The following MAML2 variants were observed in gnomAD, a reference collection of about 807,000 sequenced individuals.
MAML2 encodes the protein mastermind like transcriptional coactivator 2.
A neutral mutation model predicts 96.1 loss-of-function variants in MAML2; 22 were observed. The ratio of observed to expected loss-of-function variants is 0.23; its 90% CI spans 0.16 to 0.33. MAML2 has a LOEUF of 0.33. MAML2 is among the 10% of genes least tolerant of loss of function. The pLI is 1.00. For synonymous variants in MAML2, 561 were observed against 521.3 expected (o/e 1.08, Z -1.04); for missense variants, 1,367 against 1,392.4 (o/e 0.98, Z 0.29).
At chr11:96,118,035 C>T (rs1247986732) in intron 1 of MAML2, among the ~76,000 whole-genome samples, 1 of 152,154 alleles carries the variant, frequency 6.6e-6, no homozygotes, top group Non-Finnish European at 1.5e-5. Context: ...AATTGTAAGA[C>T]ACTGGGCTTG....
intron 1 of MAML2, among the ~76,000 whole-genome samples, chr11:96,301,238 T>C (rs1863382580): frequency 6.6e-6 from 1 of 152,214 alleles, no homozygotes; most frequent in Non-Finnish European, 1.5e-5. Flanking sequence ...TTCTTTTTCC[T>C]AGAAAGTAAA....
At chr11:96,069,590 T>C (rs1055914116) in intron 2 of MAML2, among the ~76,000 whole-genome samples, 1 of 151,918 alleles carries the variant, frequency 6.6e-6, no homozygotes, top group African/African-American at 2.4e-5. Flanking sequence ...GGTGGGAGGA[T>C]CACTAGAGCC....
intron 2 of MAML2, among the ~76,000 whole-genome samples, chr11:96,062,650 G>C (rs1459908389): frequency 6.6e-6 from 1 of 152,190 alleles, no homozygotes; most frequent in Non-Finnish European, 1.5e-5. Flanking sequence ...TTACCTCTTA[G>C]ACAGGATATC....
At chr11:96,115,706 G>C (rs1202641127) in intron 1 of MAML2, among the ~76,000 whole-genome samples, 1 of 152,192 alleles carries the variant, frequency 6.6e-6, no homozygotes, top group Non-Finnish European at 1.5e-5. Flanking sequence ...ATGTCAGGAA[G>C]TGATGAATGC....
At chr11:96,104,438 G>C (rs1194972216) in intron 1 of MAML2, among the ~76,000 whole-genome samples, 1 of 152,112 alleles carries the variant, frequency 6.6e-6, no homozygotes, top group African/African-American at 2.4e-5. Context: ...AAATAATTAA[G>C]ACTGAAATGA....
intron 2 of MAML2, among the ~76,000 whole-genome samples, chr11:96,082,536 G>A (rs940350146): frequency 6.6e-6 from 1 of 152,182 alleles, no homozygotes; most frequent in Non-Finnish European, 1.5e-5. Context: ...GACAGTGGTA[G>A]GGCAAAAGGC....
intron 2 of MAML2, among the ~76,000 whole-genome samples, chr11:96,032,386 A>C (rs946671607): frequency 5.3e-5 from 8 of 151,996 alleles, no homozygotes; most frequent in Non-Finnish European, 1.0e-4. Flanking sequence ...GTCAGAAGTA[A>C]AAGACCAGCC....
intron 2 of MAML2, among the ~76,000 whole-genome samples, chr11:96,009,892 A>G (rs1858241100): frequency 6.6e-6 from 1 of 152,238 alleles, no homozygotes; most frequent in Non-Finnish European, 1.5e-5. Context: ...AAGGTCATGT[A>G]TTCCTTAATA....
At chr11:96,201,175 C>T (rs1300850107) in intron 1 of MAML2, among the ~76,000 whole-genome samples, 1 of 152,076 alleles carries the variant, frequency 6.6e-6, no homozygotes, top group African/African-American at 2.4e-5. Context: ...TTACTTGAAC[C>T]TACTTGATGG....
chr11:96,244,506 T>C (rs12293331), intron 1 of MAML2, among the ~76,000 whole-genome samples: 12,585 of 152,282 alleles, frequency 0.083, 630 homozygotes, highest in African/African-American at 0.14. Flanking sequence ...TAATTATTCA[T>C]CCTTAAATTA....
chr11:96,238,221 T>C (rs1862390436), intron 1 of MAML2, among the ~76,000 whole-genome samples: 1 of 152,232 alleles, frequency 6.6e-6, no homozygotes, highest in Admixed American at 6.5e-5. Context: ...GAGTCTGATT[T>C]AAGCATTTCA....
intron 2 of MAML2, among the ~76,000 whole-genome samples, chr11:96,075,762 T>C (rs1447302922): frequency 6.6e-6 from 1 of 152,240 alleles, no homozygotes; most frequent in East Asian, 1.9e-4. Context: ...CTCTTTTTCT[T>C]TGTCTTTTCA....
intron 1 of MAML2, among the ~76,000 whole-genome samples, chr11:96,256,386 C>T (rs1862669328): frequency 6.6e-6 from 1 of 152,136 alleles, no homozygotes; most frequent in Non-Finnish European, 1.5e-5. Context: ...ACGCTGATCT[C>T]GAAGTTCCTC....
intron 1 of MAML2, among the ~76,000 whole-genome samples, chr11:96,242,472 G>A (rs944397917): frequency 1.3e-5 from 2 of 152,180 alleles, no homozygotes; most frequent in Non-Finnish European, 2.9e-5. Context: ...ACCAGATTCA[G>A]TAAGAGAAAC....
intron 1 of MAML2, among the ~76,000 whole-genome samples, chr11:96,226,944 C>A (rs1031051577): frequency 6.6e-6 from 1 of 152,128 alleles, no homozygotes; most frequent in Non-Finnish European, 1.5e-5. Context: ...CACATCAATT[C>A]ATTAGTGAAA....
Position 96,007,129 on chromosome 11 carries a change from A to G in MAML2, c.2140-15406T>C, listed in dbSNP as rs113549663. ...GTGATTCCCCTGCCTCAGCCTCCAG[A>G]GTAGCTGGGAATACAGGAGCGTACC... On this transcript the variant is annotated intron_variant, in intron 2 of 4. Transcript: ENST00000524717. Among the ~76,000 whole-genome samples the G allele has an allele frequency of 8.1e-3, 1,228 of 151,124 alleles. 23 individuals are homozygous for G. The highest frequency in any genetic ancestry group is 0.028 in the African/African-American group (1,157 of 41,072).
At chr11:96,230,709 G>C (rs957132385) in intron 1 of MAML2, among the ~76,000 whole-genome samples, 1 of 152,172 alleles carries the variant, frequency 6.6e-6, no homozygotes, top group African/African-American at 2.4e-5. Flanking sequence ...GAGTCCCAAC[G>C]TTCTCTGATT....
At chr11:96,204,010 C>G (rs888111880) in intron 1 of MAML2, among the ~76,000 whole-genome samples, 2 of 152,032 alleles carry the variant, frequency 1.3e-5, no homozygotes, top group African/African-American at 4.8e-5. Context: ...GGGGGAATCT[C>G]CAGGGATACA....
intron 2 of MAML2, among the ~76,000 whole-genome samples, chr11:96,065,419 A>G (rs1251157381): frequency 2.0e-5 from 3 of 147,262 alleles, no homozygotes; most frequent in Non-Finnish European, 4.5e-5. Flanking sequence ...GTGCATGCAC[A>G]CACACACACA....
Sources: allele counts gnomAD v4.1 joint callset (sites outside exome capture counted in the v4.1 genomes callset), GRCh38; gene constraint gnomAD v4.1.1; transcripts MANE v1.5; gene names NCBI Gene and HGNC (gene_info 2026-07-23, HGNC 2026-07-21).